DLG2: variants seen among roughly 807,000 people sequenced by gnomAD.
The protein encoded by DLG2 is discs large MAGUK scaffold protein 2, also known as disks large homolog 2.
Under a neutral mutation model 132.5 loss-of-function variants are expected in DLG2, and 45 were observed. The observed-to-expected ratio is 0.34, with a 90% CI of 0.27 to 0.44. DLG2 has a LOEUF of 0.44. Among genes scored for constraint, DLG2 ranks in the 20% least tolerant of loss-of-function variants. The probability of loss-of-function intolerance (pLI) is 1.00; values close to 1 mark genes in which losing one functional copy is unlikely to be tolerated. For missense variants in DLG2, 1,045 were observed against 1,196.9 expected (o/e 0.87, Z 1.87); for synonymous variants, 424 against 419.6 (o/e 1.01, Z -0.13).
chr11:84,534,797 C>T (rs2099351387), intron 6 of DLG2, 66 bp from the exon 7 acceptor site: 1 of 1,548,300 alleles, frequency 6.5e-7, no homozygotes, highest in Non-Finnish European at 8.9e-7. Context: ...ATAGACTGAA[C>T]TTCATATTCT....
At chr11:85,195,668 C>T (rs141671977) in intron 4 of DLG2, among the ~76,000 whole-genome samples, 6,608 of 151,892 alleles carry the variant, frequency 0.044, 206 homozygotes, top group Middle Eastern at 0.13. Context: ...GGACTACAGG[C>T]GCCCACCATC....
At chr11:84,307,970 G>A (rs945207644) in intron 7 of DLG2, among the ~76,000 whole-genome samples, 4 of 152,114 alleles carry the variant, frequency 2.6e-5, no homozygotes, top group African/African-American at 7.2e-5. Flanking sequence ...AGACTTCTGC[G>A]GTGAGTGTTA....
chr11:84,731,697 A>T (rs1338407939), intron 6 of DLG2, among the ~76,000 whole-genome samples: 1 of 152,052 alleles, frequency 6.6e-6, no homozygotes, highest in Non-Finnish European at 1.5e-5. Context: ...GACTAGTCAG[A>T]TTATATTTAA....
In DLG2 at chr11:85,621,433, G is replaced by T. The variant is rs377461611; in HGVS notation, c.-93+5154C>A. On this transcript the variant is annotated intron_variant, in intron 2 of 27. Coordinates refer to ENST00000376104, the MANE Select transcript of DLG2 (RefSeq NM_001142699.3). Reference sequence around the variant, plus strand: ...TTTGTAAGACTATATCTGCCACAGTGATTCCCTGATAGATCTGGCCAAAGT... The same window carrying T: ...TTTGTAAGACTATATCTGCCACAGTTATTCCCTGATAGATCTGGCCAAAGT... 2.6e-5 allele frequency among the ~76,000 whole-genome samples: 4 copies of T among 152,298 alleles called. No homozygotes were observed. In the East Asian group the frequency reaches 7.7e-4, roughly 29 times the overall value.
At chr11:84,823,274 T>C (rs918926855) in intron 6 of DLG2, among the ~76,000 whole-genome samples, 1 of 151,792 alleles carries the variant, frequency 6.6e-6, no homozygotes, top group Non-Finnish European at 1.5e-5. Context: ...CCTACTAGTA[T>C]TATAGAATTG....
At chr11:85,176,875 C>T (rs375432180) in intron 4 of DLG2, among the ~76,000 whole-genome samples, 2 of 152,094 alleles carry the variant, frequency 1.3e-5, no homozygotes, top group East Asian at 1.9e-4. Flanking sequence ...CATCACTGAT[C>T]ATTAAAGAAA....
At chr11:84,161,829 A>T (rs961062365) in intron 9 of DLG2, among the ~76,000 whole-genome samples, 1 of 152,164 alleles carries the variant, frequency 6.6e-6, no homozygotes, top group Admixed American at 6.6e-5. Flanking sequence ...AGAGAAACTT[A>T]ATGATTCAGG....
intron 4 of DLG2, among the ~76,000 whole-genome samples, chr11:85,226,837 A>G (rs957915446): frequency 1.3e-5 from 2 of 152,172 alleles, no homozygotes; most frequent in African/African-American, 4.8e-5. Context: ...CTTTTAGTGA[A>G]GGAGCTTACC....
chr11:85,243,264 A>T (rs2075979027), intron 4 of DLG2, among the ~76,000 whole-genome samples: 1 of 151,948 alleles, frequency 6.6e-6, no homozygotes, highest in African/African-American at 2.4e-5. Context: ...TTTCATTAGG[A>T]GCAGGATTCA....
chr11:85,071,100 G>A (rs2065800400), intron 6 of DLG2, among the ~76,000 whole-genome samples: 1 of 151,870 alleles, frequency 6.6e-6, no homozygotes, highest in Admixed American at 6.6e-5. Context: ...ACATAGAGTT[G>A]TTGGGAGGAT....
At chr11:83,810,239 CCTT>C (rs1296503213) in intron 17 of DLG2, among the ~76,000 whole-genome samples, 1 of 152,028 alleles carries the variant, frequency 6.6e-6, no homozygotes, top group African/African-American at 2.4e-5. Context: ...TATTTAGCTG[CCTT>C]CTTTCTCACA....
chr11:85,367,317 C>A (rs193197758), intron 3 of DLG2, among the ~76,000 whole-genome samples: 1 of 152,070 alleles, frequency 6.6e-6, no homozygotes, highest in Non-Finnish European at 1.5e-5. Context: ...GCTTAATAGC[C>A]GACTGATGCT....
At chr11:85,132,570 C>T (rs1321001323) in intron 5 of DLG2, among the ~76,000 whole-genome samples, 2 of 151,842 alleles carry the variant, frequency 1.3e-5, no homozygotes, top group Non-Finnish European at 2.9e-5. Context: ...CACAAACATG[C>T]AATATCACTT....
chr11:85,262,513 A>T (rs2076995665), intron 4 of DLG2, among the ~76,000 whole-genome samples: 1 of 152,164 alleles, frequency 6.6e-6, no homozygotes, highest in African/African-American at 2.4e-5. Context: ...GAACTCCTCA[A>T]ACCTCCATGA....
chr11:84,584,207 A>T (rs1275839827), intron 6 of DLG2, among the ~76,000 whole-genome samples: 1 of 152,120 alleles, frequency 6.6e-6, no homozygotes, highest in African/African-American at 2.4e-5. Context: ...TTTTATACCT[A>T]TATAATTGAG....
At chr11:85,100,062 A>C (rs1038649505) in intron 6 of DLG2, among the ~76,000 whole-genome samples, 3 of 152,188 alleles carry the variant, frequency 2.0e-5, no homozygotes, top group African/African-American at 7.2e-5. Flanking sequence ...TTGTAAAAGA[A>C]ATCACCATCA....
chr11:84,251,641 CTT>C (rs148681429), intron 7 of DLG2, among the ~76,000 whole-genome samples: 1 of 140,160 alleles, frequency 7.1e-6, no homozygotes, highest in Non-Finnish European at 1.5e-5. Flanking sequence ...TCTTTTCTTT[CTT>C]TTTTTTTTTT....
chr11:84,607,195 A>C lies in DLG2; in HGVS notation c.358-72464T>G, dbSNP rs143123503. On this transcript the variant is annotated intron_variant, in intron 6 of 27. Transcript: ENST00000376104. ...ACTGTAAAAGAGAAAGGGATCTAAA[A>C]TTTATTGAGCCACAACTATAATTCA... Among the ~76,000 whole-genome samples, 276 of 152,246 alleles carry C rather than the reference A, an allele frequency of 1.8e-3. 2 individuals carry two copies. The highest frequency in any genetic ancestry group is 6.0e-3 in the African/African-American group (251 of 41,560).
intron 6 of DLG2, among the ~76,000 whole-genome samples, chr11:85,100,224 AAC>A (rs983617860): frequency 6.6e-6 from 1 of 152,120 alleles, no homozygotes; most frequent in Non-Finnish European, 1.5e-5. Flanking sequence ...TTTGAGAGGC[AAC>A]ATAGATTTTA....
Sources: allele counts gnomAD v4.1 joint callset (sites outside exome capture counted in the v4.1 genomes callset), GRCh38; gene constraint gnomAD v4.1.1; transcripts MANE v1.5; gene names NCBI Gene and HGNC (gene_info 2026-07-23, HGNC 2026-07-21).